RASSF8: variants seen among roughly 807,000 people sequenced by gnomAD.
RASSF8 encodes ras association domain-containing protein 8.
Under a neutral mutation model 48.5 loss-of-function variants are expected in RASSF8, and 22 were observed. The observed-to-expected ratio is 0.45, with a 90% CI of 0.32 to 0.65. The LOEUF is 0.65. RASSF8 is among the 30% of genes least tolerant of loss of function. The probability of loss-of-function intolerance (pLI) is 0.03; values close to 1 mark genes in which losing one functional copy is unlikely to be tolerated. For synonymous variants in RASSF8, 127 were observed against 171.5 expected, an observed-to-expected ratio of 0.74 and a Z score of 2.03; for missense variants, 418 against 489.2, an observed-to-expected ratio of 0.85 and a Z score of 1.37.
At chr12:26,053,240 AG>A (rs555707095) in intron 2 of RASSF8, among the ~76,000 whole-genome samples, 3 of 151,622 alleles carry the variant, frequency 2.0e-5, no homozygotes, top group South Asian at 2.1e-4. Context: ...TCTTGGTGGC[AG>A]GGGGGCTTTA....
chr12:26,066,187 C>T (rs1407152424), intron 4 of RASSF8, among the ~76,000 whole-genome samples: 4 of 152,140 alleles, frequency 2.6e-5, no homozygotes, highest in South Asian at 2.1e-4. Context: ...CTGTACGGGC[C>T]GTGCAGACAC....
At chr12:26,068,267 G>T (rs1913225) in intron 5 of RASSF8, among the ~76,000 whole-genome samples, 26,434 of 152,036 alleles carry the variant, frequency 0.17, 3,019 homozygotes, top group East Asian at 0.47. Context: ...TCATTAGTTT[G>T]AAACTACTTC....
At chr12:26,065,686 A>G (rs1329413724) in intron 4 of RASSF8, among the ~76,000 whole-genome samples, 2 of 152,198 alleles carry the variant, frequency 1.3e-5, no homozygotes, top group Non-Finnish European at 2.9e-5. Context: ...AGATAGGGAA[A>G]CTAGAGCTGA....
At chr12:26,013,785 A>T (rs1942583252) in intron 2 of RASSF8, among the ~76,000 whole-genome samples, 2 of 152,188 alleles carry the variant, frequency 1.3e-5, no homozygotes, top group African/African-American at 4.8e-5. Flanking sequence ...TCATGTTGAT[A>T]AAAAAATCCT....
chr12:26,000,126 AATG>A (rs1205462427), intron 2 of RASSF8, among the ~76,000 whole-genome samples: 3 of 152,244 alleles, frequency 2.0e-5, no homozygotes, highest in Admixed American at 2.0e-4. Flanking sequence ...AAAGAAGAAT[AATG>A]AAGGAAAAGT....
intron 2 of RASSF8, among the ~76,000 whole-genome samples, chr12:26,046,311 C>T (rs1943371968): frequency 6.6e-6 from 1 of 152,174 alleles, no homozygotes; most frequent in South Asian, 2.1e-4. Flanking sequence ...TTGCTAATAA[C>T]TTTATTTCAT....
chr12:26,038,710 C>T (rs1943203988), intron 2 of RASSF8, among the ~76,000 whole-genome samples: 1 of 151,574 alleles, frequency 6.6e-6, no homozygotes. Context: ...ATAAGTAGTG[C>T]TCAGTGAAGC....
In RASSF8 at chr12:26,070,924, G is replaced by A. The variant is rs184340045; in HGVS notation, c.*2106G>A. 3.3e-4 allele frequency: 327 copies of A among 984,400 alleles called. 1 individual carries two copies. In the African/African-American group the frequency reaches 5.4e-3, roughly 16 times the overall value. The allele number at this position is 984,400 out of a possible 1,614,324, so 61.0% of individuals were successfully genotyped here. ...ATCAGAATTAACCTAATAACTTTAA[G>A]TAAGGACAAGCAGCATCCTAGCAAC... On this transcript the variant is annotated 3_prime_UTR_variant, in exon 6 of 6. Coordinates refer to ENST00000689635, the MANE Select transcript of RASSF8 (RefSeq NM_001394098.1).
chr12:26,009,469 G>A (rs929971481), intron 2 of RASSF8, among the ~76,000 whole-genome samples: 1 of 152,000 alleles, frequency 6.6e-6, no homozygotes, highest in African/African-American at 2.4e-5. Flanking sequence ...TGGGCATCCT[G>A]TAGTGCACAG....
intron 2 of RASSF8, among the ~76,000 whole-genome samples, chr12:26,051,225 G>A (rs531612231): frequency 2.1e-3 from 315 of 152,250 alleles, no homozygotes; most frequent in Non-Finnish European, 3.8e-3. Flanking sequence ...GAAACATGGT[G>A]CATGGTGCCT....
intron 3 of RASSF8, among the ~76,000 whole-genome samples, chr12:26,059,877 ATGCCCAG>A (rs1344594890): frequency 6.6e-6 from 1 of 152,164 alleles, no homozygotes; most frequent in Non-Finnish European, 1.5e-5. Context: ...AACCAGCACA[ATGCCCAG>A]TAAATCACAG....
At chr12:25,991,808 CA>C (rs1942021021) in intron 1 of RASSF8, among the ~76,000 whole-genome samples, 1 of 152,170 alleles carries the variant, frequency 6.6e-6, no homozygotes, top group Non-Finnish European at 1.5e-5. Context: ...GAAGAATACA[CA>C]AGGGTGTGAA....
chr12:25,979,461 C>A (rs1216109310), intron 1 of RASSF8, among the ~76,000 whole-genome samples: 1 of 151,768 alleles, frequency 6.6e-6, no homozygotes, highest in Non-Finnish European at 1.5e-5. Context: ...GAGGTTAGCA[C>A]TGAGTTGAGG....
At chr12:25,966,316 A>G (rs1941358818) in intron 1 of RASSF8, among the ~76,000 whole-genome samples, 1 of 152,180 alleles carries the variant, frequency 6.6e-6, no homozygotes, top group Non-Finnish European at 1.5e-5. Flanking sequence ...ACAGTAGTAC[A>G]GTCATAGTTC....
chr12:25,988,870 G>A (rs1941949810), intron 1 of RASSF8, among the ~76,000 whole-genome samples: 1 of 152,158 alleles, frequency 6.6e-6, no homozygotes, highest in Non-Finnish European at 1.5e-5. Flanking sequence ...CCTATAGTAT[G>A]TTTAGAGAAA....
upstream of RASSF8, chr12:25,958,236 G>A (rs1290043930): frequency 2.0e-5 from 3 of 151,976 alleles, no homozygotes; most frequent in African/African-American, 7.2e-5. Context: ...GACCGTAGAG[G>A]GCAGTTTGAC....
chr12:26,059,096 T>A (rs1296388618), intron 3 of RASSF8, among the ~76,000 whole-genome samples: 1 of 152,226 alleles, frequency 6.6e-6, no homozygotes, highest in Non-Finnish European at 1.5e-5. Context: ...AGAAAGCCTT[T>A]GACAGATCAT....
intron 2 of RASSF8, among the ~76,000 whole-genome samples, chr12:26,027,919 G>A (rs1001205155): frequency 6.6e-6 from 1 of 152,114 alleles, no homozygotes; most frequent in Non-Finnish European, 1.5e-5. Context: ...CATGGAAAAC[G>A]GGATGTAGAA....
At position 25,972,834 on chromosome 12, in the gene RASSF8, C is replaced by T. The variant is rs142218172; in HGVS notation, c.-203+13686C>T. On this transcript the variant is annotated intron_variant, in intron 1 of 5. Transcript: ENST00000689635. ...TGAACAAATCCATGCATCAAGTGCA[C>T]AGATCGAGAATACAGCATTATCAGC... Among the ~76,000 whole-genome samples the T allele has an allele frequency of 2.6e-5, 4 of 152,310 alleles. No individual in the cohort carries two copies. In the East Asian group the frequency reaches 7.7e-4, roughly 29 times the overall value.
Sources: allele counts gnomAD v4.1 joint callset (sites outside exome capture counted in the v4.1 genomes callset), GRCh38; gene constraint gnomAD v4.1.1; transcripts MANE v1.5; gene names NCBI Gene and HGNC (gene_info 2026-07-23, HGNC 2026-07-21).